Variants in KRT6B observed in about 807,000 individuals in gnomAD.
KRT6B encodes the protein keratin, type II cytoskeletal 6B.
A neutral mutation model predicts 44.7 loss-of-function variants in KRT6B; 29 were observed. That is an observed-to-expected ratio of 0.65 (90% CI 0.48 to 0.88). The LOEUF (loss-of-function observed/expected upper bound fraction) is 0.88, where lower values mean the gene tolerates loss of function less well. KRT6B is among the 40% of genes least tolerant of loss of function. The probability of loss-of-function intolerance (pLI) is 0.00; values close to 1 mark genes in which losing one functional copy is unlikely to be tolerated. For missense variants in KRT6B, 600 were observed against 724.0 expected (o/e 0.83, Z 1.97); for synonymous variants, 213 against 296.0 (o/e 0.72, Z 2.88).
rs377408881 is a variant in KRT6B, at chr12:52,447,983, C to A, written c.1219G>T (p.Ala407Ser). 6.2e-7 allele frequency: 1 copy of A among 1,614,160 alleles called. No homozygotes were observed. Among genetic ancestry groups the A allele is most frequent in the Non-Finnish European group, 8.5e-7 (1 of 1,180,028 alleles). The stretch of plus-strand genomic sequence containing the variant: ...CGCTGCTCAGCATCAGCAATGGCGG[C>A]CTGTAGGTTGGCACACTAGGAGGGC... ...HVKKQCANLQ[A>S]AIADAEQRGE... The change falls in exon 7 of 9, where the codon GCC becomes TCC. Residue 407 changes from alanine (A) to serine (S), a missense_variant. By Grantham distance (99) the Ala-to-Ser change is moderately conservative. This residue lies in a region of KRT6B where 479 missense variants were observed against 454.2 expected (regional missense o/e 1.05). Transcript: ENST00000252252.
intron 8 of KRT6B, 54 bp from the exon 9 acceptor site, chr12:52,447,479 G>T: frequency 4.3e-6 from 7 of 1,614,044 alleles, no homozygotes; most frequent in Non-Finnish European, 5.9e-6. Context: ...TCATCCTGCC[G>T]GCCTGAGCCC....
chr12:52,448,704 T>C (rs1273269467), intron 6 of KRT6B, 138 bp downstream of exon 6: 1 of 1,417,976 alleles, frequency 7.1e-7, no homozygotes, highest in Non-Finnish European at 9.8e-7. Context: ...GTGTTCTCAC[T>C]GAGCCTAGGA....
Position 52,451,948 on chromosome 12 carries a change from C to T in KRT6B, c.131G>A (p.Ser44Asn). The T allele has an allele frequency of 6.2e-7, 1 of 1,613,378 alleles. No homozygotes were observed. ...TCCACATGCGCCACCCAGGCCACCA[C>T]TGCCCCTGGAGCGGGACACGGAGAT... ...SSISVSRSRG[S>N]GGLGGACGGA... Residue 44 changes from serine (S) to asparagine (N), a missense_variant, in exon 1 of 9, where the codon AGT (serine) becomes AAT (asparagine). Around this residue, in one of 4 missense-constraint regions of KRT6B, gnomAD observed 78 missense variants for 97.5 expected, o/e 0.80. Transcript: ENST00000252252.
chr12:52,449,049 G>A (rs1388892583), intron 5 of KRT6B, 82 bp from the exon 6 acceptor site: 18 of 1,520,266 alleles, frequency 1.2e-5, no homozygotes, highest in Non-Finnish European at 1.5e-5. Context: ...TATCATGAAT[G>A]TCATGAAGTG....
chr12:52,450,961 G>T (rs184910878), intron 1 of KRT6B, among the ~76,000 whole-genome samples: 10 of 152,168 alleles, frequency 6.6e-5, no homozygotes, highest in Admixed American at 3.3e-4. Flanking sequence ...TTTTTACCGA[G>T]AGGATCTTAG....
Position 52,447,040 on chromosome 12 carries a change from T to C in KRT6B, c.*150A>G. On this transcript the variant is annotated 3_prime_UTR_variant, in exon 9 of 9. Coordinates refer to ENST00000252252, the MANE Select transcript of KRT6B (RefSeq NM_005555.4). ...AGCAACAGGAGCTCAGTGGAACAGG[T>C]ATTGATGAGAAGAAAAGTGAGGGCA... The C allele has an allele frequency of 1.1e-6, 1 of 887,288 alleles. No homozygotes were observed. Among genetic ancestry groups the C allele is most frequent in the South Asian group, 1.7e-5 (1 of 57,934 alleles). 55.0% of individuals were successfully genotyped at this position (887,288 alleles called of 1,614,324 possible).
rs146904435 is a variant in KRT6B, at chr12:52,448,854, G to A, written c.1191C>T (p.His397=). 1.9e-5 allele frequency: 30 copies of A among 1,613,906 alleles called. No individual in the cohort carries two copies. Among genetic ancestry groups the A allele is most frequent in the African/African-American group, 5.3e-5 (4 of 74,860 alleles). ...CCCCTCACCATACCTGCTTCTTGAC[G>A]TGGTCGATCTCAGATCTCAGCCTCT... The part of the protein sequence containing the change: ...MIQRLRSEID[H]VKKQCANLQA... The change falls in exon 6 of 9, where the codon CAC becomes CAT. Residue 397 remains histidine (H), a synonymous_variant. Coordinates refer to ENST00000252252, the MANE Select transcript of KRT6B (RefSeq NM_005555.4).
Position 52,449,461 on chromosome 12 carries a change from G to T in KRT6B, c.1077+8C>A. ...GGATTCCTCAGCGGCTGTCCACTCCGTGCTCACCTTTGTCTGGTACCAGGA... is the reference window on the plus strand; with the variant it reads ...GGATTCCTCAGCGGCTGTCCACTCCTTGCTCACCTTTGTCTGGTACCAGGA... On this transcript the variant is annotated splice_region_variant and intron_variant, in intron 5 of 8. Transcript: ENST00000252252. 6.2e-7 allele frequency: 1 copy of T among 1,614,148 alleles called. No homozygotes were observed. The highest frequency in any genetic ancestry group is 8.5e-7 in the Non-Finnish European group (1 of 1,179,994).
Position 52,449,807 on chromosome 12 carries a change from G to A in KRT6B, c.863C>T (p.Ala288Val), listed in dbSNP as rs374881736. Residue 288 changes from alanine (A) to valine (V), a missense_variant, in exon 4 of 9, where the codon GCA becomes GTA. This residue lies in a region of KRT6B where 479 missense variants were observed against 454.2 expected (regional missense o/e 1.05). Coordinates refer to ENST00000252252, the MANE Select transcript of KRT6B (RefSeq NM_005555.4). Reference protein sequence around the residue: ...YMNKVELQAKADTLTDEINFL... With the variant: ...YMNKVELQAKVDTLTDEINFL... ...GTTGATCTCATCTGTAAGAGTGTCT[G>A]CCTTGGCTTGCAGTTCAACCTTGTT... 2 of 1,613,866 alleles carry A rather than the reference G, an allele frequency of 1.2e-6. No homozygotes were observed. The highest frequency in any genetic ancestry group is 1.3e-5 in the African/African-American group (1 of 74,910).
chr12:52,450,217 C>T (rs1221758526), intron 2 of KRT6B, 145 bp from the exon 3 acceptor site: 68 of 1,538,190 alleles, frequency 4.4e-5, no homozygotes, highest in Non-Finnish European at 5.5e-5. Context: ...AATTTTGCTA[C>T]TACTAAATTT....
chr12:52,449,612 G>T lies in KRT6B; in HGVS notation c.934C>A (p.His312Asn), dbSNP rs142625176. ...AGCACCACGGATGTGTCTGAGATGT[G>T]GGTCTGCATCTGGGACAGCTCCTGC... ...YDAELSQMQT[H>N]ISDTSVVLSM... Residue 312 changes from histidine (H) to asparagine (N), a missense_variant, in exon 5 of 9, where the codon CAC becomes AAC. Around this residue, in one of 4 missense-constraint regions of KRT6B, gnomAD observed 479 missense variants for 454.2 expected, o/e 1.05. Coordinates refer to ENST00000252252, the MANE Select transcript of KRT6B (RefSeq NM_005555.4). 3 of 1,614,196 alleles carry T rather than the reference G, an allele frequency of 1.9e-6. No individual in the cohort carries two copies. Among genetic ancestry groups the T allele is most frequent in the South Asian group, 2.2e-5 (2 of 91,084 alleles).
chr12:52,449,124 A>C (rs1207576668), intron 5 of KRT6B, among the ~76,000 whole-genome samples, 157 bp from the exon 6 acceptor site: 25 of 152,078 alleles, frequency 1.6e-4, no homozygotes, highest in Admixed American at 1.6e-3. Context: ...GTGGATACTA[A>C]ACACTGGAGT....
rs767365375 is a variant in KRT6B at position 52,447,299 on chromosome 12, G to A, written c.1586C>T (p.Ser529Phe). 11 of 1,613,996 alleles carry A rather than the reference G, an allele frequency of 6.8e-6. No individual in the cohort carries two copies. The highest frequency in any genetic ancestry group is 1.7e-4 in the Middle Eastern group (1 of 6,058). ...ACCCCCAGTGGCTCTGCCGCTGCTG[G>A]AACTAAAGCCGCCTCCAACGCCAAG... ...SGLGVGGGFS[S>F]SSGRATGGGL... The change falls in exon 9 of 9, where the codon TCC (serine) becomes TTC (phenylalanine). Residue 529 changes from serine (S) to phenylalanine (F), a missense_variant. Transcript: ENST00000252252.
At position 52,447,194 on chromosome 12, in the gene KRT6B, TGCTTGTAGCTCTTCCTGCTGGA is replaced by T. The variant is rs1940323447; in HGVS notation, c.1669_1690del (p.Ser557ThrfsTer56). Reference sequence around the variant, plus strand: ...CTGAGAGCTGGCGGCAGCACTTCAGTGCTTGTAGCTCTTCCTGCTGGAGGAGGAGGTGGTGGTGTACTTGATG... The same window carrying T: ...CTGAGAGCTGGCGGCAGCACTTCAGTGGAGGAGGTGGTGGTGTACTTGATG... On this transcript the variant is annotated frameshift_variant, in exon 9 of 9. Coordinates refer to ENST00000252252, the MANE Select transcript of KRT6B (RefSeq NM_005555.4). LOFTEE classifies it high-confidence loss of function. 1 of 1,613,886 alleles carries T rather than the reference TGCTTGTAGCTCTTCCTGCTGGA, an allele frequency of 6.2e-7. No homozygotes were observed. Among genetic ancestry groups the T allele is most frequent in the Non-Finnish European group, 8.5e-7 (1 of 1,180,016 alleles).
chr12:52,448,727 T>C lies in KRT6B; in HGVS notation c.1203+115A>G, dbSNP rs1565799765. 2.6e-6 allele frequency: 4 copies of C among 1,557,352 alleles called. No homozygotes were observed. The East Asian group carries it at 9.1e-5, about 35-fold the overall frequency. ...ACTGAGCCTAGGAACTGCATGTCTT[T>C]CCTTCTCTGCTTATCAATCAATTCC... On this transcript the variant is annotated intron_variant, in intron 6 of 8. Transcript: ENST00000252252.
intron 5 of KRT6B, 53 bp downstream of exon 5, chr12:52,449,416 G>T: frequency 6.2e-7 from 1 of 1,613,592 alleles, no homozygotes; most frequent in Non-Finnish European, 8.5e-7. Context: ...CAGTCCTCTG[G>T]TATTCAGGGA....
At position 52,447,021 on chromosome 12, in the gene KRT6B, A is replaced by G; in HGVS notation, c.*169T>C. ...AACTGTTGACTTGATGGTAAGCAAC[A>G]GGAGCTCAGTGGAACAGGTATTGAT... On this transcript the variant is annotated 3_prime_UTR_variant, in exon 9 of 9. Transcript: ENST00000252252. The G allele has an allele frequency of 1.3e-6, 1 of 754,612 alleles. No individual in the cohort carries two copies. Among genetic ancestry groups the G allele is most frequent in the Non-Finnish European group, 2.1e-6 (1 of 466,118 alleles). The allele number at this position is 754,612 out of a possible 1,614,324, so 46.7% of individuals were successfully genotyped here. A position where few individuals can be genotyped will look rare whatever the true frequency, so the allele number is the denominator to read the frequency against.
At position 52,447,308 on chromosome 12, in the gene KRT6B, C is replaced by T; in HGVS notation, c.1577G>A (p.Gly526Asp). The change falls in exon 9 of 9, where the codon GGC (glycine) becomes GAC (aspartate). Residue 526 changes from glycine to aspartate, a missense_variant. Transcript: ENST00000252252. ...GGCTCTGCCGCTGCTGGAACTAAAG[C>T]CGCCTCCAACGCCAAGACCACTGCC... The part of the protein sequence containing the change: ...SYGSGLGVGG[G>D]FSSSSGRATG... The T allele has an allele frequency of 6.2e-7, 1 of 1,614,040 alleles. No homozygotes were observed.
Position 52,448,018 on chromosome 12 carries a change from G to A in KRT6B, c.1204-20C>T, listed in dbSNP as rs201894826. The A allele has an allele frequency of 1.5e-4, 244 of 1,614,058 alleles. 1 individual carries two copies. In the East Asian group the frequency reaches 4.3e-3, roughly 28 times the overall value. Reference sequence around the variant, plus strand: ...GGCACACTAGGAGGGCAAAGGAAGAGAAAGAACTTGTCATCTGGTCTTCCA... The same window carrying A: ...GGCACACTAGGAGGGCAAAGGAAGAAAAAGAACTTGTCATCTGGTCTTCCA... On this transcript the variant is annotated intron_variant, in intron 6 of 8. Coordinates refer to ENST00000252252, the MANE Select transcript of KRT6B (RefSeq NM_005555.4).
Sources: allele counts gnomAD v4.1 joint callset (sites outside exome capture counted in the v4.1 genomes callset), GRCh38; gene constraint gnomAD v4.1.1; regional missense constraint gnomAD v4.1.1; transcripts MANE v1.5; gene names NCBI Gene and HGNC (gene_info 2026-07-23, HGNC 2026-07-21).